The following MAGI3 variants were observed in gnomAD, a reference collection of about 807,000 sequenced individuals.
The protein encoded by MAGI3 is membrane-associated guanylate kinase, WW and PDZ domain-containing protein 3.
In MAGI3, 43 loss-of-function variants were observed where a neutral mutation model predicts 121.8. That is an observed-to-expected ratio of 0.35 (90% CI 0.28 to 0.46). The LOEUF (loss-of-function observed/expected upper bound fraction) is 0.46, where lower values mean the gene tolerates loss of function less well. MAGI3 is among the 20% of genes least tolerant of loss of function. MAGI3 has a pLI of 1.00. For synonymous variants in MAGI3, 553 were observed against 639.3 expected (o/e 0.86, Z 2.04); for missense variants, 1,547 against 1,797.3 (o/e 0.86, Z 2.52).
chr1:113,573,699 C>T lies in MAGI3; in HGVS notation c.434-6843C>T, dbSNP rs1334016823. The stretch of plus-strand genomic sequence containing the variant: ...TTGGGGTGAATAGTTCAGTAGATGT[C>T]TATTAGGTCTGCTTGGTCCAGAGCT... On this transcript the variant is annotated intron_variant, in intron 2 of 20. Transcript: ENST00000307546. 2.0e-5 allele frequency among the ~76,000 whole-genome samples: 3 copies of T among 152,192 alleles called. No individual in the cohort carries two copies. In the East Asian group the frequency reaches 5.8e-4, roughly 29 times the overall value.
intron 6 of MAGI3, among the ~76,000 whole-genome samples, chr1:113,596,020 G>A (rs1648978763): frequency 7.3e-6 from 1 of 136,874 alleles, no homozygotes; most frequent in South Asian, 2.6e-4. Context: ...GACAGAGTGA[G>A]ACCCTGTCTC....
chr1:113,512,804 G>C (rs1434751410), intron 1 of MAGI3, among the ~76,000 whole-genome samples: 1 of 152,068 alleles, frequency 6.6e-6, no homozygotes, highest in Non-Finnish European at 1.5e-5. Flanking sequence ...GGAAATAAAG[G>C]GTATTCAATT....
At chr1:113,620,949 T>C (rs1176808567) in intron 8 of MAGI3, among the ~76,000 whole-genome samples, 1 of 152,230 alleles carries the variant, frequency 6.6e-6, no homozygotes, top group Admixed American at 6.5e-5. Flanking sequence ...ATTAAGCACA[T>C]GTTGACTAAT....
chr1:113,453,906 C>G lies in MAGI3; in HGVS notation c.316+62557C>G, dbSNP rs967842442. Among the ~76,000 whole-genome samples the G allele has an allele frequency of 7.2e-5, 11 of 152,340 alleles. No homozygotes were observed. In the East Asian group the frequency reaches 2.1e-3, roughly 29 times the overall value. ...AACCATCATGCTATCTACTGCTTCCCCTTGTGGGAAGTATTAGCATGCCAC... is the reference window on the plus strand; with the variant it reads ...AACCATCATGCTATCTACTGCTTCCGCTTGTGGGAAGTATTAGCATGCCAC... On this transcript the variant is annotated intron_variant, in intron 1 of 20. Transcript: ENST00000307546.
At chr1:113,427,540 T>A (rs1205093179) in intron 1 of MAGI3, among the ~76,000 whole-genome samples, 1 of 152,058 alleles carries the variant, frequency 6.6e-6, no homozygotes, top group East Asian at 1.9e-4. Flanking sequence ...AAATTGGGGG[T>A]TGGGTCATGC....
At position 113,594,660 on chromosome 1, in the gene MAGI3, A is replaced by G. The variant is rs1412338893; in HGVS notation, c.1018+100A>G. On this transcript the variant is annotated intron_variant, in intron 6 of 20. Coordinates refer to ENST00000307546, the MANE Select transcript of MAGI3 (RefSeq NM_001142782.2). ...TTTTTCAAAACCCTAAACAAACCAT[A>G]ATGTACACAAGCAAAAAAGCAGTGG... is the stretch of plus-strand genomic sequence containing the variant. 3.3e-6 allele frequency: 3 copies of G among 896,470 alleles called. No homozygotes were observed. In the African/African-American group the frequency reaches 5.1e-5, roughly 15 times the overall value. 55.5% of individuals were successfully genotyped at this position (896,470 alleles called of 1,614,324 possible).
At chr1:113,450,555 G>T in intron 1 of MAGI3, 2 of 1,033,656 alleles carry the variant, frequency 1.9e-6, no homozygotes, top group East Asian at 2.4e-5. Context: ...AATTTTGGCG[G>T]TGGTAACTAT....
chr1:113,543,046 A>G (rs531861703), intron 1 of MAGI3, among the ~76,000 whole-genome samples: 1 of 151,722 alleles, frequency 6.6e-6, no homozygotes, highest in African/African-American at 2.4e-5. Flanking sequence ...AATAAATATA[A>G]TTAATATGTA....
chr1:113,461,265 G>A (rs976553981), intron 1 of MAGI3, among the ~76,000 whole-genome samples: 2 of 152,110 alleles, frequency 1.3e-5, no homozygotes, highest in Non-Finnish European at 2.9e-5. Context: ...AAAAGAGCCT[G>A]AATAGCCAAG....
intron 6 of MAGI3, among the ~76,000 whole-genome samples, chr1:113,600,323 C>T (rs1485471573): frequency 1.3e-5 from 2 of 151,894 alleles, no homozygotes; most frequent in East Asian, 1.9e-4. Flanking sequence ...CTAGAAAACC[C>T]CATTGTCTCA....
At chr1:113,559,812 C>T (rs1660148849) in intron 2 of MAGI3, among the ~76,000 whole-genome samples, 1 of 152,116 alleles carries the variant, frequency 6.6e-6, no homozygotes, top group African/African-American at 2.4e-5. Flanking sequence ...CTCAAGTGGT[C>T]TACTCATCTT....
At chr1:113,435,134 G>A (rs1473784351) in intron 1 of MAGI3, among the ~76,000 whole-genome samples, 1 of 152,004 alleles carries the variant, frequency 6.6e-6, no homozygotes, top group Non-Finnish European at 1.5e-5. Flanking sequence ...TATGTCTTAC[G>A]TATTTTAAGA....
chr1:113,458,637 G>C (rs1322430281), intron 1 of MAGI3, among the ~76,000 whole-genome samples: 1 of 151,858 alleles, frequency 6.6e-6, no homozygotes, highest in African/African-American at 2.4e-5. Flanking sequence ...CAGGCTCCCA[G>C]GTAGCAGCTA....
intron 1 of MAGI3, among the ~76,000 whole-genome samples, chr1:113,529,190 G>A (rs1658592495): frequency 6.6e-6 from 1 of 151,848 alleles, no homozygotes; most frequent in South Asian, 2.1e-4. Context: ...TTCTAGTTTA[G>A]CCTCCTAGTG....
intron 1 of MAGI3, among the ~76,000 whole-genome samples, chr1:113,393,362 A>G (rs1195234510): frequency 6.6e-6 from 1 of 152,228 alleles, no homozygotes; most frequent in African/African-American, 2.4e-5. Flanking sequence ...TTAGTAATAA[A>G]GTTCTGAATA....
chr1:113,390,868 A>C lies in MAGI3; in HGVS notation c.-166A>C. Reference sequence around the variant, plus strand: ...GTCCAAGGGGCGTCTCGCGTCTGGGAACGGCCGGGCCCCCAGCGGGCTGTG... The same window carrying C: ...GTCCAAGGGGCGTCTCGCGTCTGGGCACGGCCGGGCCCCCAGCGGGCTGTG... On this transcript the variant is annotated 5_prime_UTR_variant, in exon 1 of 21. Transcript: ENST00000307546. The C allele has an allele frequency of 3.0e-6, 1 of 338,280 alleles. No individual in the cohort carries two copies. The highest frequency in any genetic ancestry group is 4.9e-6 in the Non-Finnish European group (1 of 203,154). The allele number at this position is 338,280 out of a possible 1,614,324, so 21.0% of individuals were successfully genotyped here. A position where few individuals can be genotyped will look rare whatever the true frequency, so the allele number is the denominator to read the frequency against.
intron 13 of MAGI3, 53 bp downstream of exon 13, chr1:113,649,381 G>A: frequency 8.0e-7 from 1 of 1,256,604 alleles, no homozygotes; most frequent in African/African-American, 1.5e-5. Flanking sequence ...CGTTTTGAGT[G>A]GTGATTTGGT....
chr1:113,394,934 T>C (rs182416449), intron 1 of MAGI3, among the ~76,000 whole-genome samples: 74 of 152,166 alleles, frequency 4.9e-4, no homozygotes, highest in Non-Finnish European at 8.8e-4. Context: ...GGACATCCAA[T>C]TTGTAAGGGA....
chr1:113,459,403 A>G (rs1211774733), intron 1 of MAGI3, among the ~76,000 whole-genome samples: 1 of 152,238 alleles, frequency 6.6e-6, no homozygotes, highest in Non-Finnish European at 1.5e-5. Flanking sequence ...ATCAATGAAT[A>G]CTACCACATA....
Sources: gnomAD v4.1 joint callset for allele counts (sites outside exome capture counted in the v4.1 genomes callset) on GRCh38, gnomAD v4.1.1 for gene constraint, MANE v1.5 for transcripts, NCBI Gene and HGNC (gene_info 2026-07-23, HGNC 2026-07-21) for gene names.